Variants in GOLPH3L observed in about 807,000 individuals in gnomAD.
The protein encoded by GOLPH3L is Golgi phosphoprotein 3-like.
In GOLPH3L, 22 loss-of-function variants were observed where a neutral mutation model predicts 30.3. That is an observed-to-expected ratio of 0.73 (90% CI 0.52 to 1.04). GOLPH3L has a LOEUF of 1.04. Ranked by LOEUF, GOLPH3L falls within the 50% of genes least tolerant of loss-of-function variation. The pLI is 0.00. For synonymous variants in GOLPH3L, 120 were observed against 128.2 expected, an observed-to-expected ratio of 0.94 and a Z score of 0.43; for missense variants, 303 against 345.8, an observed-to-expected ratio of 0.88 and a Z score of 0.98.
In GOLPH3L at chr1:150,675,731, G is replaced by A. The variant is rs139785695; in HGVS notation, c.184-11968C>T. ...GTGGAGGTTGCAGTGAGCCAAGCTC[G>A]CGCCACTACACCCCAGCCTGGGCGA... On this transcript the variant is annotated intron_variant, in intron 2 of 4. Transcript: ENST00000271732. 5.1e-4 allele frequency among the ~76,000 whole-genome samples: 67 copies of A among 130,112 alleles called. 1 individual carries two copies. In the East Asian group the frequency reaches 0.015, roughly 29 times the overall value. 85.4% of individuals were successfully genotyped at this position (130,112 alleles called of 152,430 possible).
intron 2 of GOLPH3L, among the ~76,000 whole-genome samples, chr1:150,673,886 C>T (rs953682657): frequency 4.2e-5 from 6 of 143,736 alleles, no homozygotes; most frequent in African/African-American, 1.5e-4. Flanking sequence ...GATTGTACCA[C>T]TGTACTCCAA....
At chr1:150,679,736 C>A (rs1650907142) in intron 2 of GOLPH3L, among the ~76,000 whole-genome samples, 1 of 152,068 alleles carries the variant, frequency 6.6e-6, no homozygotes. Flanking sequence ...AGAGGTGGAG[C>A]CTGCAGTGAG....
intron 4 of GOLPH3L, among the ~76,000 whole-genome samples, chr1:150,651,248 G>A (rs1475795520): frequency 1.3e-5 from 2 of 152,098 alleles, no homozygotes; most frequent in Non-Finnish European, 2.9e-5. Context: ...GGGAGGTGGA[G>A]GCTGCAATGA....
chr1:150,689,835 ACCATGTTGGCCAGG>A (rs1173633135), intron 2 of GOLPH3L, among the ~76,000 whole-genome samples: 1 of 151,846 alleles, frequency 6.6e-6, no homozygotes, highest in East Asian at 1.9e-4. Context: ...ATGGGGTTTC[ACCATGTTGGCCAGG>A]CTGGTCTCGA....
intron 4 of GOLPH3L, among the ~76,000 whole-genome samples, 179 bp downstream of exon 4, chr1:150,661,635 A>C (rs745539796): frequency 2.1e-4 from 32 of 152,200 alleles, no homozygotes; most frequent in Non-Finnish European, 4.1e-4. Flanking sequence ...GATAAGGTGA[A>C]GCTTTGGAAA....
chr1:150,671,443 T>G (rs1406926513), intron 2 of GOLPH3L, among the ~76,000 whole-genome samples: 1 of 152,134 alleles, frequency 6.6e-6, no homozygotes, highest in Non-Finnish European at 1.5e-5. Flanking sequence ...TTATTCAAAC[T>G]TCCTTGAAGA....
chr1:150,659,324 G>A (rs1650317934), intron 4 of GOLPH3L, among the ~76,000 whole-genome samples: 1 of 152,216 alleles, frequency 6.6e-6, no homozygotes, highest in African/African-American at 2.4e-5. Context: ...TGATGGCCTT[G>A]ATGCCCATGC....
intron 2 of GOLPH3L, among the ~76,000 whole-genome samples, chr1:150,680,560 A>G (rs1268998767): frequency 6.6e-6 from 1 of 152,182 alleles, no homozygotes; most frequent in Non-Finnish European, 1.5e-5. Context: ...TCTTGTTCCA[A>G]TAACTAAGGT....
chr1:150,671,221 G>A (rs989871268), intron 2 of GOLPH3L, among the ~76,000 whole-genome samples: 1 of 151,388 alleles, frequency 6.6e-6, no homozygotes, highest in South Asian at 2.1e-4. Context: ...CAGCCTGGGC[G>A]GCAGAGTAAG....
chr1:150,654,428 A>G (rs951385588), intron 4 of GOLPH3L, among the ~76,000 whole-genome samples: 12 of 151,472 alleles, frequency 7.9e-5, no homozygotes, highest in African/African-American at 2.9e-4. Flanking sequence ...AAGTGCTTGA[A>G]CCTAGGAGGC....
Position 150,663,649 on chromosome 1 carries a change from G to A in GOLPH3L, c.298C>T (p.Arg100Ter), listed in dbSNP as rs1168448067. 5.6e-6 allele frequency: 9 copies of A among 1,612,974 alleles called. No individual in the cohort carries two copies. Among genetic ancestry groups the A allele is most frequent in the Non-Finnish European group, 7.6e-6 (9 of 1,179,284 alleles). The change falls in exon 3 of 5, where the codon CGA becomes TGA. Residue 100 changes from arginine (R) to a stop codon, truncating the protein, a stop_gained. Coordinates refer to ENST00000271732, the MANE Select transcript of GOLPH3L (RefSeq NM_018178.6). LOFTEE classifies it high-confidence loss of function. ...TTCAGTACCTTTCTGTCTAGTAGTCGCTTCTTACGCATGGTCGGGGGTTCC... is the reference window on the plus strand; with the variant it reads ...TTCAGTACCTTTCTGTCTAGTAGTCACTTCTTACGCATGGTCGGGGGTTCC... ...YLEPPTMRKK[R>*]LLDRKVLLKS...
chr1:150,682,945 T>C (rs7538493), intron 2 of GOLPH3L, among the ~76,000 whole-genome samples: 58,524 of 151,986 alleles, frequency 0.39, 11,585 homozygotes, highest in South Asian at 0.55. Context: ...TCCTATAGCA[T>C]TTTTTTGGTA....
chr1:150,660,967 C>T lies in GOLPH3L; in HGVS notation c.430+847G>A, dbSNP rs587605452. 1.2e-3 allele frequency among the ~76,000 whole-genome samples: 187 copies of T among 152,186 alleles called. 1 individual carries two copies. Among genetic ancestry groups the T allele is most frequent in the African/African-American group, 4.1e-3 (171 of 41,508 alleles). ...AATGTTGGCTGGGCGCGGTGGCTCA[C>T]GCCTGTAATCCCAGCACTTTGGGAG... On this transcript the variant is annotated intron_variant, in intron 4 of 4. Transcript: ENST00000271732.
chr1:150,672,361 C>T (rs1359069386), intron 2 of GOLPH3L, among the ~76,000 whole-genome samples: 2 of 152,170 alleles, frequency 1.3e-5, no homozygotes, highest in African/African-American at 4.8e-5. Flanking sequence ...TCCTCTTTTA[C>T]AAATTAATGT....
chr1:150,681,678 T>C (rs1650952160), intron 2 of GOLPH3L, among the ~76,000 whole-genome samples: 1 of 152,216 alleles, frequency 6.6e-6, no homozygotes, highest in African/African-American at 2.4e-5. Context: ...ATGGGGTATG[T>C]TTATATTTAT....
intron 2 of GOLPH3L, 84 bp downstream of exon 2, chr1:150,694,572 T>C: frequency 1.2e-6 from 1 of 821,754 alleles, no homozygotes; most frequent in Non-Finnish European, 1.9e-6. Flanking sequence ...AATTTATTAT[T>C]AAATATATTC....
At chr1:150,677,138 T>C (rs1650824656) in intron 2 of GOLPH3L, among the ~76,000 whole-genome samples, 1 of 151,592 alleles carries the variant, frequency 6.6e-6, no homozygotes, top group South Asian at 2.1e-4. Context: ...TGGCGCGATC[T>C]TGGCTCACTG....
intron 2 of GOLPH3L, among the ~76,000 whole-genome samples, chr1:150,693,795 GTA>G (rs1375133277): frequency 4.8e-5 from 4 of 83,152 alleles, no homozygotes; most frequent in African/African-American, 1.2e-4. Context: ...AATTGTTTAT[GTA>G]TGTGTGTGTG....
chr1:150,691,424 G>C (rs945101290), intron 2 of GOLPH3L, among the ~76,000 whole-genome samples: 1 of 152,098 alleles, frequency 6.6e-6, no homozygotes, highest in Non-Finnish European at 1.5e-5. Context: ...ATTGAGACAG[G>C]AGAATTGCTT....
Sources: allele counts gnomAD v4.1 joint callset (sites outside exome capture counted in the v4.1 genomes callset), GRCh38; gene constraint gnomAD v4.1.1; transcripts MANE v1.5; gene names NCBI Gene and HGNC (gene_info 2026-07-23, HGNC 2026-07-21).